NTM: variants seen among roughly 807,000 people sequenced by gnomAD.
NTM encodes IgLON family member 2.
A neutral mutation model predicts 42.1 loss-of-function variants in NTM; 13 were observed. The ratio of observed to expected loss-of-function variants is 0.31; its 90% CI spans 0.20 to 0.49. The LOEUF is 0.49. NTM is among the 20% of genes least tolerant of loss of function. NTM has a pLI of 0.99. For missense variants in NTM, 373 were observed against 452.8 expected, an observed-to-expected ratio of 0.82 and a Z score of 1.60; for synonymous variants, 187 against 179.2, an observed-to-expected ratio of 1.04 and a Z score of -0.35.
chr11:132,207,197 G>C (rs2082106518), intron 3 of NTM, among the ~76,000 whole-genome samples: 1 of 152,204 alleles, frequency 6.6e-6, no homozygotes. Context: ...GCTGGTGGGT[G>C]AGTGAGTGAA....
chr11:132,182,215 A>G (rs1438167567), intron 3 of NTM, among the ~76,000 whole-genome samples: 1 of 152,086 alleles, frequency 6.6e-6, no homozygotes, highest in African/African-American at 2.4e-5. Context: ...TTAAGTTCCT[A>G]ACCTTACAAT....
intron 4 of NTM, among the ~76,000 whole-genome samples, chr11:132,224,542 T>G (rs1175671613): frequency 2.6e-5 from 4 of 152,174 alleles, no homozygotes; most frequent in Non-Finnish European, 4.4e-5. Flanking sequence ...CAGTGGAAGG[T>G]GGTGAAACCT....
intron 1 of NTM, among the ~76,000 whole-genome samples, chr11:131,894,491 G>T (rs954255058): frequency 2.0e-5 from 3 of 152,110 alleles, no homozygotes; most frequent in African/African-American, 7.2e-5. Flanking sequence ...CCTCTGCTTG[G>T]GGCCTGACAG....
intron 1 of NTM, among the ~76,000 whole-genome samples, chr11:131,494,388 AT>A (rs1955121078): frequency 6.6e-6 from 1 of 152,230 alleles, no homozygotes; most frequent in Non-Finnish European, 1.5e-5. Context: ...GTGCCATGGA[AT>A]ATAAAATCCA....
At chr11:131,504,116 G>A (rs1022331371) in intron 1 of NTM, among the ~76,000 whole-genome samples, 1 of 152,060 alleles carries the variant, frequency 6.6e-6, no homozygotes. Flanking sequence ...CTTCCTCCAG[G>A]CCCCTGCTTC....
chr11:131,561,864 C>T (rs546476077), intron 1 of NTM, among the ~76,000 whole-genome samples: 1 of 152,250 alleles, frequency 6.6e-6, no homozygotes, highest in East Asian at 1.9e-4. Context: ...TCACCCTTTA[C>T]CCTCTAGGGA....
chr11:132,243,382 C>G (rs556344368), intron 4 of NTM, among the ~76,000 whole-genome samples: 1 of 152,146 alleles, frequency 6.6e-6, no homozygotes, highest in Non-Finnish European at 1.5e-5. Flanking sequence ...TAGGCTATTT[C>G]GCATTATTGG....
chr11:131,634,449 T>C (rs986202042), intron 1 of NTM, among the ~76,000 whole-genome samples: 1 of 152,000 alleles, frequency 6.6e-6, no homozygotes, highest in African/African-American at 2.4e-5. Context: ...CATAATACAG[T>C]AATGAAAATA....
intron 1 of NTM, among the ~76,000 whole-genome samples, chr11:131,572,355 C>T (rs2057524629): frequency 6.6e-6 from 1 of 152,054 alleles, no homozygotes. Flanking sequence ...AAGATATTTG[C>T]CCCCTAAGGA....
At chr11:131,994,750 G>A (rs999530268) in intron 2 of NTM, among the ~76,000 whole-genome samples, 2 of 151,976 alleles carry the variant, frequency 1.3e-5, no homozygotes, top group African/African-American at 4.8e-5. Flanking sequence ...GCCTTCCCTG[G>A]ACACCAGATC....
At chr11:132,124,726 C>T (rs1394231073) in intron 2 of NTM, among the ~76,000 whole-genome samples, 1 of 152,208 alleles carries the variant, frequency 6.6e-6, no homozygotes, top group East Asian at 1.9e-4. Flanking sequence ...CATGTAATTC[C>T]AGCATTTTGG....
chr11:131,766,350 G>T (rs1473257480), intron 1 of NTM, among the ~76,000 whole-genome samples: 1 of 152,172 alleles, frequency 6.6e-6, no homozygotes, highest in African/African-American at 2.4e-5. Flanking sequence ...GGGATCAGGG[G>T]CCAGGAGCTG....
chr11:131,914,197 G>A (rs2055854526), intron 2 of NTM, among the ~76,000 whole-genome samples: 1 of 152,186 alleles, frequency 6.6e-6, no homozygotes, highest in African/African-American at 2.4e-5. Context: ...ACTGTAGGTT[G>A]CAACCATCTA....
In NTM at chr11:131,789,539, GAAGAAGAA is replaced by G. The variant is rs1565551785; in HGVS notation, c.83-122016_83-122009del. ...AGAAGAAGAAGAAGAAGAAGAAGAA[GAAGAAGAA>G]AAGAAGAAGAAGAAGAAGAAGAAGA... On this transcript the variant is annotated intron_variant, in intron 1 of 8. Transcript: ENST00000683400. Among the ~76,000 whole-genome samples the G allele has an allele frequency of 3.6e-4, 8 of 22,406 alleles. 2 individuals are homozygous for G. The highest frequency in any genetic ancestry group is 1.7e-3 in the East Asian group (1 of 602). The allele number at this position is 22,406 out of a possible 152,430, so 14.7% of individuals were successfully genotyped here. A position where few individuals can be genotyped will look rare whatever the true frequency, so the allele number is the denominator to read the frequency against.
At chr11:131,937,695 G>T (rs897397076) in intron 2 of NTM, among the ~76,000 whole-genome samples, 1 of 152,142 alleles carries the variant, frequency 6.6e-6, no homozygotes, top group African/African-American at 2.4e-5. Context: ...TCGGTAATCT[G>T]GTTCTGGGTC....
chr11:131,393,532 A>G (rs1417127527), intron 1 of NTM, among the ~76,000 whole-genome samples: 1 of 152,220 alleles, frequency 6.6e-6, no homozygotes, highest in South Asian at 2.1e-4. Flanking sequence ...GGCAGCAGCA[A>G]CCGCCCATCC....
chr11:132,131,091 A>T (rs936271110), intron 2 of NTM, among the ~76,000 whole-genome samples: 1 of 152,194 alleles, frequency 6.6e-6, no homozygotes, highest in Non-Finnish European at 1.5e-5. Context: ...TTGTCATGAA[A>T]TGTCTGCTGC....
At chr11:131,849,153 T>C (rs2045247372) in intron 1 of NTM, among the ~76,000 whole-genome samples, 1 of 152,110 alleles carries the variant, frequency 6.6e-6, no homozygotes, top group African/African-American at 2.4e-5. Flanking sequence ...GAATGAAGGA[T>C]TTAGAGGAAG....
intron 2 of NTM, among the ~76,000 whole-genome samples, chr11:132,138,724 G>A (rs1370938036): frequency 6.6e-6 from 1 of 152,160 alleles, no homozygotes; most frequent in South Asian, 2.1e-4. Flanking sequence ...CCAAGGACAG[G>A]AGAGGAATGT....
Sources: gnomAD v4.1 joint callset for allele counts (sites outside exome capture counted in the v4.1 genomes callset) on GRCh38, gnomAD v4.1.1 for gene constraint, MANE v1.5 for transcripts, NCBI Gene and HGNC (gene_info 2026-07-23, HGNC 2026-07-21) for gene names.